Variants in GPR179 observed in about 807,000 individuals in gnomAD.
The protein encoded by GPR179 is G protein-coupled receptor 179.
GPR179 carries 52 observed loss-of-function variants against 70.8 expected under a neutral mutation model. The observed-to-expected ratio is 0.73, with a 90% CI of 0.59 to 0.93. The LOEUF is 0.93. Ranked by LOEUF, GPR179 falls within the 40% of genes least tolerant of loss-of-function variation. The pLI is 0.00. For synonymous variants in GPR179, 1,123 were observed against 1,169.0 expected, an observed-to-expected ratio of 0.96 and a Z score of 0.80; for missense variants, 2,734 against 2,966.8, an observed-to-expected ratio of 0.92 and a Z score of 1.82.
At chr17:38,333,125 G>A in intron 10 of GPR179, 126 bp downstream of exon 10, 7 of 787,128 alleles carry the variant, frequency 8.9e-6, no homozygotes, top group Non-Finnish European at 1.5e-5. Context: ...GTGGAGAAGG[G>A]AGAGGGCAGG....
intron 10 of GPR179, 98 bp downstream of exon 10, chr17:38,333,153 C>T: frequency 1.8e-6 from 2 of 1,088,624 alleles, no homozygotes; most frequent in Non-Finnish European, 2.7e-6. Flanking sequence ...GGGAAGAGGA[C>T]TTGCAGTGGC....
rs763102850 is a variant in GPR179 at position 38,336,993 on chromosome 17, G to C, written c.1212C>G (p.Arg404=). 5.0e-6 allele frequency: 8 copies of C among 1,600,618 alleles called. No homozygotes were observed. In the Admixed American group the frequency reaches 1.4e-4, roughly 28 times the overall value. ...CCTTCCTTGCCTTGTTCCGGCGGCA[G>C]CGGTAGGAGACCAGCATGCTCAGGA... ...AIFLSMLVSY[R]CRRNKRIWAS... is the part of the protein sequence containing the mutation. Residue 404 remains arginine (R), a synonymous_variant, in exon 4 of 11, where the codon CGC becomes CGG. Transcript: ENST00000616987.
intron 1 of GPR179, among the ~76,000 whole-genome samples, chr17:38,340,338 G>C (rs2037439163): frequency 6.6e-6 from 1 of 151,896 alleles, no homozygotes; most frequent in Non-Finnish European, 1.5e-5. Context: ...GACAAGTTCT[G>C]GCTATATTGC....
chr17:38,332,280 AG>A (rs1329541220), intron 10 of GPR179, among the ~76,000 whole-genome samples: 2 of 152,030 alleles, frequency 1.3e-5, no homozygotes, highest in East Asian at 1.9e-4. Flanking sequence ...GTAGAGGTGG[AG>A]GGGGTGGACA....
Position 38,330,056 on chromosome 17 carries a change from C to T in GPR179, c.3513G>A (p.Glu1171=). 5 of 1,614,210 alleles carry T rather than the reference C, an allele frequency of 3.1e-6. No individual in the cohort carries two copies. The highest frequency in any genetic ancestry group is 4.2e-6 in the Non-Finnish European group (5 of 1,180,032). The change falls in exon 11 of 11, where the codon GAG becomes GAA. Residue 1171 remains glutamate (E), a synonymous_variant. Transcript: ENST00000616987. ...CTCTGTCTTCTTGTTCCCTGCTGCCCTCCCGTTGACAGACTTGGAGCATCC... is the reference window on the plus strand; with the variant it reads ...CTCTGTCTTCTTGTTCCCTGCTGCCTTCCCGTTGACAGACTTGGAGCATCC... The part of the protein sequence containing the change: ...TSRMLQVCQR[E]GSREQEDRGR...
rs1555563745 is a variant in GPR179, at chr17:38,328,468, T to G, written c.5101A>C (p.Lys1701Gln). Residue 1701 changes from lysine (K) to glutamine (Q), a missense_variant, in exon 11 of 11, where the codon AAG (lysine) becomes CAG (glutamine). By Grantham distance (53) the Lys-to-Gln change is moderately conservative (BLOSUM62 1). Transcript: ENST00000616987. ...LDVEENLTAG[K>Q]AEICPWEVGA... is the part of the protein sequence containing the mutation. ...ACCTCCCAGGGACAGATTTCTGCCT[T>G]CCCAGCAGTCAAGTTTTCCTCCACA... The G allele has an allele frequency of 1.2e-6, 2 of 1,614,116 alleles. No homozygotes were observed. Among genetic ancestry groups the G allele is most frequent in the Non-Finnish European group, 1.7e-6 (2 of 1,180,014 alleles).
In GPR179 at chr17:38,331,442, G is replaced by A; in HGVS notation, c.2127C>T (p.Gly709=). 1 of 1,614,188 alleles carries A rather than the reference G, an allele frequency of 6.2e-7. No individual in the cohort carries two copies. Among genetic ancestry groups the A allele is most frequent in the South Asian group, 1.1e-5 (1 of 91,090 alleles). Residue 709 remains glycine, a synonymous_variant, in exon 11 of 11, where the codon GGC becomes GGT. Coordinates refer to ENST00000616987, the MANE Select transcript of GPR179 (RefSeq NM_001004334.4). ...AGCGGCCCAGTCCCTGGCATGAGCT[G>A]CCTCGCTTCTTGGGCAGGTGGGGGT... ...ANNPHLPKKR[G]SSCQGLGRSF...
chr17:38,342,095 C>T (rs1345772420), intron 1 of GPR179, among the ~76,000 whole-genome samples: 1 of 151,596 alleles, frequency 6.6e-6, no homozygotes, highest in African/African-American at 2.4e-5. Context: ...ATAGCCTGGG[C>T]GACAGAGCGA....
chr17:38,328,737 G>A lies in GPR179; in HGVS notation c.4832C>T (p.Pro1611Leu). The A allele has an allele frequency of 6.2e-7, 1 of 1,613,784 alleles. No homozygotes were observed. The highest frequency in any genetic ancestry group is 1.1e-5 in the South Asian group (1 of 91,052). ...TREEWTSAQV[P>L]RGGESQKDKE... ...GTCCTTTTGAGATTCTCCTCCTCTTGGCACCTGTGCTGATGTCCATTCCTC... is the reference window on the plus strand; with the variant it reads ...GTCCTTTTGAGATTCTCCTCCTCTTAGCACCTGTGCTGATGTCCATTCCTC... Residue 1611 changes from proline to leucine, a missense_variant, in exon 11 of 11, where the codon CCA becomes CTA. Transcript: ENST00000616987.
Position 38,330,520 on chromosome 17 carries a change from GCT to G in GPR179, c.3047_3048del (p.Glu1016AlafsTer30), listed in dbSNP as rs2037344057. On this transcript the variant is annotated frameshift_variant, in exon 11 of 11. Coordinates refer to ENST00000616987, the MANE Select transcript of GPR179 (RefSeq NM_001004334.4). LOFTEE classifies it low-confidence loss of function (END_TRUNC). Reference protein sequence around the residue: ...NVPQEGPSGPERGHHSPAPAR... With the variant: ...NVPQEGPSGPXRGHHSPAPAR... ...GCTGGGGCAGGGGAGTGGTGGCCTC[GCT>G]CTGGCCCTGAGGGGCCTTCCTGGGG... 1 of 1,556,036 alleles carries G rather than the reference GCT, an allele frequency of 6.4e-7. No individual in the cohort carries two copies. The highest frequency in any genetic ancestry group is 1.3e-5 in the South Asian group (1 of 79,970).
rs945049254 is a variant in GPR179, at chr17:38,343,207, G to T, written c.583C>A (p.Pro195Thr). Residue 195 changes from proline (P) to threonine (T), a missense_variant, in exon 1 of 11, where the codon CCT becomes ACT. Coordinates refer to ENST00000616987, the MANE Select transcript of GPR179 (RefSeq NM_001004334.4). This position sits in a 1 kb window ranked among gnomAD's most constrained non-coding sequence, Gnocchi z 4.2. ...GTCAACACTCGCTTCTTCAGGGCAG[G>T]GGTGTCCAGGTCCCCAGGAGGGTTC... ...EENPPGDLDT[P>T]ALKKRVLTND... 6 of 1,613,992 alleles carry T rather than the reference G, an allele frequency of 3.7e-6. No homozygotes were observed. Among genetic ancestry groups the T allele is most frequent in the Non-Finnish European group, 5.1e-6 (6 of 1,180,004 alleles).
Position 38,343,263 on chromosome 17 carries a change from T to C in GPR179, c.527A>G (p.Gln176Arg). 2 of 1,614,176 alleles carry C rather than the reference T, an allele frequency of 1.2e-6. No homozygotes were observed. The highest frequency in any genetic ancestry group is 1.7e-6 in the Non-Finnish European group (2 of 1,180,018). ...CTGCACCCAGTTCCCAGACAAGTCC[T>C]GCAGGATGGTTTCCTCCCCAGTCCG... is the stretch of plus-strand genomic sequence containing the variant. ...ATRTGEETIL[Q>R]DLSGNWVQEE... Residue 176 changes from glutamine to arginine, a missense_variant, in exon 1 of 11, where the codon CAG becomes CGG. Coordinates refer to ENST00000616987, the MANE Select transcript of GPR179 (RefSeq NM_001004334.4). The surrounding 1 kb of genome is among the most constrained non-coding windows in gnomAD (Gnocchi z 4.2).
At position 38,327,516 on chromosome 17, in the gene GPR179, G is replaced by A. The variant is rs767311567; in HGVS notation, c.6053C>T (p.Thr2018Ile). ...YKSDSSAKAE[T>I]CPWEVTERIP... ...TCTTTCAGTCACTTCCCAGGGACAG[G>A]TCTCAGCCTTGGCACTGCTGTCAGA... Residue 2018 changes from threonine to isoleucine, a missense_variant, in exon 11 of 11, where the codon ACC (threonine) becomes ATC (isoleucine). Thr to Ile is a moderately conservative substitution (Grantham distance 89). Transcript: ENST00000616987. 16 of 1,613,834 alleles carry A rather than the reference G, an allele frequency of 9.9e-6. No individual in the cohort carries two copies. The highest frequency in any genetic ancestry group is 2.2e-5 in the East Asian group (1 of 44,852).
rs540709730 is a variant in GPR179, at chr17:38,337,314, C to T, written c.992-101G>A. The T allele has an allele frequency of 1.2e-4, 176 of 1,440,378 alleles. 1 individual carries two copies. The African/African-American group carries it at 2.2e-3, about 18-fold the overall frequency. 89.2% of individuals were successfully genotyped at this position (1,440,378 alleles called of 1,614,324 possible). A position where few individuals can be genotyped will look rare whatever the true frequency, so the allele number is the denominator to read the frequency against. ...TCACCACAGCCCTCTCCCTGTTCTC[C>T]TGTGATCTGGGGCTCCAGGGACAAG... On this transcript the variant is annotated intron_variant, in intron 3 of 10. Transcript: ENST00000616987.
chr17:38,335,658 C>T lies in GPR179; in HGVS notation c.1339G>A (p.Ala447Thr), dbSNP rs768141491. ...YFKPSVFRCI[A>T]LRWVRLLGFA... ...CCCAGCAGCCGCACCCAGCGAAGAG[C>T]GATGCAGCGGAATACACTGGGCTTG... The change falls in exon 6 of 11, where the codon GCT becomes ACT. Residue 447 changes from alanine to threonine, a missense_variant. Coordinates refer to ENST00000616987, the MANE Select transcript of GPR179 (RefSeq NM_001004334.4). 1.2e-5 allele frequency: 19 copies of T among 1,614,100 alleles called. No homozygotes were observed. Among genetic ancestry groups the T allele is most frequent in the Admixed American group, 6.7e-5 (4 of 60,028 alleles).
intron 1 of GPR179, among the ~76,000 whole-genome samples, chr17:38,342,631 A>T (rs1324428308): frequency 6.6e-6 from 1 of 152,214 alleles, no homozygotes. Flanking sequence ...GAGCCACTGC[A>T]CCCAGCTATA....
rs200731095 is a variant in GPR179 at position 38,343,099 on chromosome 17, G to A, written c.691C>T (p.Pro231Ser). 4.6e-4 allele frequency: 742 copies of A among 1,614,076 alleles called. 9 individuals carry two copies. The highest frequency in any genetic ancestry group is 9.1e-5 in the Non-Finnish European group (107 of 1,180,028). The part of the protein sequence containing the change: ...VGDTQQVRLS[P>S]PFLECQEGRL... ...CCCTCCTGGCATTCCAGGAAAGGAG[G>A]AGACAGCCTCACCTGCTGCGTGTCC... Residue 231 changes from proline (P) to serine (S), a missense_variant, in exon 1 of 11, where the codon CCT becomes TCT. By Grantham distance (74) the Pro-to-Ser change is moderately conservative. Transcript: ENST00000616987. The surrounding 1 kb of genome is among the most constrained non-coding windows in gnomAD (Gnocchi z 4.2).
At chr17:38,335,736 A>G (rs886065492) in intron 5 of GPR179, 36 bp from the exon 6 acceptor site, 5 of 1,401,538 alleles carry the variant, frequency 3.6e-6, no homozygotes, top group African/African-American at 2.8e-5. Flanking sequence ...GCTCTCTACT[A>G]TGCTTCTGCT....
rs2144262283 is a variant in GPR179, at chr17:38,330,517, C to T, written c.3052G>A (p.Gly1018Ser). The T allele has an allele frequency of 1.3e-6, 2 of 1,556,066 alleles. No individual in the cohort carries two copies. The highest frequency in any genetic ancestry group is 8.7e-7 in the Non-Finnish European group (1 of 1,153,110). Residue 1018 changes from glycine to serine, a missense_variant, in exon 11 of 11, where the codon GGC becomes AGC. Physicochemically the swap from Gly to Ser is moderately conservative, Grantham distance 56 (BLOSUM62 0). Coordinates refer to ENST00000616987, the MANE Select transcript of GPR179 (RefSeq NM_001004334.4). ...CGAGCTGGGGCAGGGGAGTGGTGGC[C>T]TCGCTCTGGCCCTGAGGGGCCTTCC... The part of the protein sequence containing the change: ...PQEGPSGPER[G>S]HHSPAPARAR...
Sources: allele counts gnomAD v4.1 joint callset (sites outside exome capture counted in the v4.1 genomes callset), GRCh38; gene constraint gnomAD v4.1.1; non-coding constraint Gnocchi (gnomAD v3.1); transcripts MANE v1.5; gene names NCBI Gene and HGNC (gene_info 2026-07-23, HGNC 2026-07-21).